Variants in BCAR3 observed in about 807,000 individuals in gnomAD.
BCAR3 encodes breast cancer anti-estrogen resistance protein 3.
Under a neutral mutation model 80.1 loss-of-function variants are expected in BCAR3, and 37 were observed. The ratio of observed to expected loss-of-function variants is 0.46; its 90% confidence interval spans 0.36 to 0.61. The LOEUF (loss-of-function observed/expected upper bound fraction) is 0.61, where lower values mean the gene tolerates loss of function less well. Among genes scored for constraint, BCAR3 ranks in the 20% least tolerant of loss-of-function variants. The pLI, the probability that BCAR3 is intolerant of heterozygous loss-of-function variation, is 0.00. For missense variants in BCAR3, 978 were observed against 1,068.2 expected, an observed-to-expected ratio of 0.92 and a Z score of 1.18; for synonymous variants, 389 against 418.9, an observed-to-expected ratio of 0.93 and a Z score of 0.87.
At chr1:93,840,508 G>A (rs1654921250) in intron 2 of BCAR3, among the ~76,000 whole-genome samples, 1 of 152,218 alleles carries the variant, frequency 6.6e-6, no homozygotes, top group South Asian at 2.1e-4. Context: ...AGGCCCACGA[G>A]TGGGGCTCAG....
At position 93,592,583 on chromosome 1, in the gene BCAR3, T is replaced by C; in HGVS notation, c.358-190A>G. On this transcript the variant is annotated intron_variant, in intron 3 of 11. Transcript: ENST00000260502. This position sits in a 1 kb window ranked among gnomAD's most constrained non-coding sequence, Gnocchi z 4.8. Reference sequence around the variant, plus strand: ...CCGGCCGCAACCATGTAATAAAATTTTCACCTGCACATGGGGACTATGGTA... The same window carrying C: ...CCGGCCGCAACCATGTAATAAAATTCTCACCTGCACATGGGGACTATGGTA... 1.5e-6 allele frequency: 1 copy of C among 685,530 alleles called. No homozygotes were observed. Among genetic ancestry groups the C allele is most frequent in the South Asian group, 2.1e-5 (1 of 48,018 alleles). The allele number at this position is 685,530 out of a possible 1,614,324, so 42.5% of individuals were successfully genotyped here. A position where few individuals can be genotyped will look rare whatever the true frequency, so the allele number is the denominator to read the frequency against.
At chr1:93,802,380 T>G (rs1376166673) in intron 2 of BCAR3, among the ~76,000 whole-genome samples, 1 of 152,142 alleles carries the variant, frequency 6.6e-6, no homozygotes, top group East Asian at 1.9e-4. Context: ...ATTCCCTTGC[T>G]TTTCTTTCAG....
intron 2 of BCAR3, among the ~76,000 whole-genome samples, chr1:93,785,781 C>T (rs1295388822): frequency 1.3e-5 from 2 of 152,164 alleles, no homozygotes; most frequent in South Asian, 2.1e-4. Flanking sequence ...AACCATGACA[C>T]TTTTTCTATC....
At chr1:93,688,150 C>G (rs1008155786) in intron 3 of BCAR3, among the ~76,000 whole-genome samples, 4 of 152,162 alleles carry the variant, frequency 2.6e-5, no homozygotes, top group African/African-American at 9.7e-5. Context: ...TTCCAAAAGG[C>G]CTGTGTGATA....
At chr1:93,841,677 T>C (rs1654964935) in intron 2 of BCAR3, among the ~76,000 whole-genome samples, 1 of 152,248 alleles carries the variant, frequency 6.6e-6, no homozygotes. Flanking sequence ...AGTCTTTCAA[T>C]CAGCCTCCCA....
intron 3 of BCAR3, among the ~76,000 whole-genome samples, chr1:93,605,987 A>C (rs778963339): frequency 2.0e-5 from 3 of 152,220 alleles, no homozygotes; most frequent in African/African-American, 4.8e-5. Flanking sequence ...ACCATGACTA[A>C]CTACCATCTT....
chr1:93,754,509 C>T lies in BCAR3; in HGVS notation c.-62-48367G>A, dbSNP rs529090759. Among the ~76,000 whole-genome samples, 59 of 152,314 alleles carry T rather than the reference C, an allele frequency of 3.9e-4. 1 individual carries two copies. In the South Asian group the frequency reaches 4.6e-3, roughly 12 times the overall value. ...ATCTCAGAGGTGAAATTGAGCCAGACTTACTTTTTTATCTCCATTGTGCAG... is the reference window on the plus strand; with the variant it reads ...ATCTCAGAGGTGAAATTGAGCCAGATTTACTTTTTTATCTCCATTGTGCAG... On this transcript the variant is annotated intron_variant, in intron 2 of 13. Transcript: ENST00000370244.
intron 2 of BCAR3, among the ~76,000 whole-genome samples, chr1:93,769,529 A>G (rs943230148): frequency 3.3e-5 from 5 of 152,000 alleles, no homozygotes; most frequent in Non-Finnish European, 5.9e-5. Context: ...AAAGGACTCA[A>G]ATTGCACCAC....
chr1:93,681,932 C>G (rs914490422), upstream of BCAR3: 1 of 152,292 alleles, frequency 6.6e-6, no homozygotes, highest in African/African-American at 2.4e-5. Context: ...CGGAACCCCC[C>G]GAGACATTTA....
At position 93,825,430 on chromosome 1, in the gene BCAR3, T is replaced by A. The variant is rs1457771197; in HGVS notation, c.-63+20137A>T. Among the ~76,000 whole-genome samples, 4 of 133,904 alleles carry A rather than the reference T, an allele frequency of 3.0e-5. 1 individual carries two copies. The highest frequency in any genetic ancestry group is 5.1e-5 in the Non-Finnish European group (3 of 59,330). 87.8% of individuals were successfully genotyped at this position (133,904 alleles called of 152,430 possible). On this transcript the variant is annotated intron_variant, in intron 2 of 13. Transcript: ENST00000370244. The stretch of plus-strand genomic sequence containing the variant: ...TACCTACAGGGAGGTTTTGCAGGCT[T>A]GAGCTCCTCCCTGATCAAGAAAAGC...
intron 2 of BCAR3, among the ~76,000 whole-genome samples, chr1:93,709,863 A>T (rs1423015980): frequency 6.6e-6 from 1 of 152,280 alleles, no homozygotes; most frequent in Non-Finnish European, 1.5e-5. Flanking sequence ...TCCTTGATGG[A>T]TCATCATGTA....
At chr1:93,564,290 CTT>C (rs35780346) in intron 11 of BCAR3, among the ~76,000 whole-genome samples, 10,405 of 103,426 alleles carry the variant, frequency 0.1, 660 homozygotes, top group African/African-American at 0.26. Flanking sequence ...TTCTTTCTTT[CTT>C]TTTTTTTTTT....
At chr1:93,700,942 C>A (rs1649620169) in intron 3 of BCAR3, among the ~76,000 whole-genome samples, 1 of 152,222 alleles carries the variant, frequency 6.6e-6, no homozygotes, top group South Asian at 2.1e-4. Context: ...GGCATGTGGG[C>A]ACCCTCAGCG....
At position 93,747,439 on chromosome 1, in the gene BCAR3, A is replaced by G. The variant is rs557116202; in HGVS notation, c.-62-41297T>C. On this transcript the variant is annotated intron_variant, in intron 2 of 13. Transcript: ENST00000370244. ...CAGGGATCCTTCTCTTATACTTCCA[A>G]TCTTGAGTAACAGCATCACATCATC... 3.9e-4 allele frequency among the ~76,000 whole-genome samples: 59 copies of G among 151,740 alleles called. 3 individuals carry two copies. Among genetic ancestry groups the G allele is most frequent in the African/African-American group, 1.4e-3 (57 of 41,042 alleles).
rs1654308326 is a variant in BCAR3 at position 93,824,122 on chromosome 1, ATGT to A, written c.-63+21442_-63+21444del. On this transcript the variant is annotated intron_variant, in intron 2 of 13. Coordinates refer to the BCAR3 transcript ENST00000370244. ...GGTATTCCTAGTAGACATTCAACTA[ATGT>A]TTGTTGAATGAACAAGAACCCTCAG... is the stretch of plus-strand genomic sequence containing the variant. 1.5e-5 allele frequency among the ~76,000 whole-genome samples: 2 copies of A among 133,730 alleles called. 1 individual carries two copies. Among genetic ancestry groups the A allele is most frequent in the South Asian group, 6.1e-4 (2 of 3,274 alleles). The allele number at this position is 133,730 out of a possible 152,430, so 87.7% of individuals were successfully genotyped here.
intron 2 of BCAR3, among the ~76,000 whole-genome samples, chr1:93,827,293 T>C (rs754446706): frequency 5.3e-5 from 8 of 152,132 alleles, no homozygotes; most frequent in African/African-American, 9.7e-5. Flanking sequence ...AGGGACAAGT[T>C]TGTAATGAGG....
chr1:93,843,953 A>G (rs1435070020), intron 2 of BCAR3, among the ~76,000 whole-genome samples: 1 of 152,204 alleles, frequency 6.6e-6, no homozygotes, highest in Non-Finnish European at 1.5e-5. Context: ...GTGCAAATAT[A>G]TACAGTAGAA....
chr1:93,565,614 C>T (rs1160479968), intron 11 of BCAR3, among the ~76,000 whole-genome samples: 1 of 152,210 alleles, frequency 6.6e-6, no homozygotes, highest in Admixed American at 6.5e-5. Context: ...GCTTATGCAA[C>T]ATCCATGGTA....
At chr1:93,641,191 CA>C (rs1028485367) in intron 3 of BCAR3, among the ~76,000 whole-genome samples, 5 of 152,218 alleles carry the variant, frequency 3.3e-5, no homozygotes, top group African/African-American at 1.2e-4. Flanking sequence ...TCCATTCCAA[CA>C]AACCTCACTA....
Sources: allele counts gnomAD v4.1 joint callset (sites outside exome capture counted in the v4.1 genomes callset), GRCh38; gene constraint gnomAD v4.1.1; non-coding constraint Gnocchi (gnomAD v3.1); transcripts MANE v1.5; gene names NCBI Gene and HGNC (gene_info 2026-07-23, HGNC 2026-07-21).